CREB5: variants seen among roughly 807,000 people sequenced by gnomAD.
The protein encoded by CREB5 is cyclic AMP-responsive element-binding protein 5.
A neutral mutation model predicts 57.1 loss-of-function variants in CREB5; 19 were observed. That is an observed-to-expected ratio of 0.33 (90% CI 0.23 to 0.49). The LOEUF is 0.49. Ranked by LOEUF, CREB5 falls within the 20% of genes least tolerant of loss-of-function variation. The pLI, the probability that CREB5 is intolerant of heterozygous loss-of-function variation, is 0.99. For missense variants in CREB5, 579 were observed against 671.6 expected (o/e 0.86, Z 1.52); for synonymous variants, 238 against 238.3 (o/e 1.00, Z 0.01).
intron 5 of CREB5, among the ~76,000 whole-genome samples, chr7:28,584,619 C>G (rs1367703381): frequency 6.6e-6 from 1 of 152,148 alleles, no homozygotes; most frequent in Non-Finnish European, 1.5e-5. Flanking sequence ...GCTGCTGACA[C>G]CTTGATTTCA....
intron 1 of CREB5, among the ~76,000 whole-genome samples, chr7:28,354,628 G>T (rs1372431436): frequency 6.6e-6 from 1 of 152,138 alleles, no homozygotes; most frequent in East Asian, 1.9e-4. Context: ...CCTAATTCAA[G>T]CTCCCACGTC....
intron 1 of CREB5, among the ~76,000 whole-genome samples, chr7:28,365,676 A>G (rs1302704544): frequency 6.6e-6 from 1 of 151,244 alleles, no homozygotes; most frequent in Admixed American, 6.6e-5. Context: ...CCCTTCACCC[A>G]CTCTACAGAA....
chr7:28,678,353 A>C (rs996215073), intron 5 of CREB5, among the ~76,000 whole-genome samples: 1 of 152,136 alleles, frequency 6.6e-6, no homozygotes. Flanking sequence ...GCACCACTAC[A>C]CTCCAGCCTG....
At chr7:28,363,891 A>C (rs1356809169) in intron 1 of CREB5, among the ~76,000 whole-genome samples, 1 of 152,218 alleles carries the variant, frequency 6.6e-6, no homozygotes, top group Non-Finnish European at 1.5e-5. Context: ...TTAATGTATC[A>C]TATTCCATTG....
chr7:28,536,390 T>C (rs1457524438), intron 4 of CREB5, among the ~76,000 whole-genome samples: 3 of 152,238 alleles, frequency 2.0e-5, no homozygotes, highest in Non-Finnish European at 4.4e-5. Flanking sequence ...ATGTTGTCCT[T>C]GCTGCCTGCT....
chr7:28,744,338 CTCTTT>C (rs1804570254), intron 7 of CREB5, among the ~76,000 whole-genome samples: 1 of 133,216 alleles, frequency 7.5e-6, no homozygotes, highest in Non-Finnish European at 1.6e-5. Context: ...CCTTTAGTAC[CTCTTT>C]TTTTTTTTTT....
intron 4 of CREB5, among the ~76,000 whole-genome samples, chr7:28,535,561 C>A (rs1793927989): frequency 6.6e-6 from 1 of 151,248 alleles, no homozygotes. Context: ...TTTTCAGACA[C>A]TATATCATCT....
chr7:28,534,678 T>TA (rs144723628), intron 4 of CREB5, among the ~76,000 whole-genome samples: 24,382 of 140,934 alleles, frequency 0.17, 2,656 homozygotes, highest in Non-Finnish European at 0.21. Flanking sequence ...TTCCTTCACT[T>TA]ATGCTTGTTT....
intron 1 of CREB5, among the ~76,000 whole-genome samples, chr7:28,322,063 C>T (rs181249207): frequency 1.3e-5 from 2 of 152,290 alleles, no homozygotes; most frequent in East Asian, 1.9e-4. Context: ...GAAAAATGCA[C>T]ATTTTAACCA....
rs2128746089 is a variant in CREB5, at chr7:28,717,908, C to A, written c.465-845C>A. On this transcript the variant is annotated intron_variant, in intron 5 of 10. Transcript: ENST00000357727. ...TTTATGTGGGGAGGTCTCTTGTTTG[C>A]CATTTTTAATAAACACAAATAATTC... 2.0e-5 allele frequency among the ~76,000 whole-genome samples: 3 copies of A among 152,292 alleles called. 1 individual carries two copies. The Middle Eastern group carries it at 0.01, about 518-fold the overall frequency.
At chr7:28,519,963 A>G (rs1244888887) in intron 4 of CREB5, among the ~76,000 whole-genome samples, 1 of 152,256 alleles carries the variant, frequency 6.6e-6, no homozygotes, top group Non-Finnish European at 1.5e-5. Context: ...CTGAAAATGG[A>G]CAAGAACTCA....
intron 1 of CREB5, among the ~76,000 whole-genome samples, chr7:28,483,340 G>A (rs546003359): frequency 2.0e-5 from 3 of 152,164 alleles, no homozygotes; most frequent in Admixed American, 6.5e-5. Flanking sequence ...TGCTCATTGC[G>A]AGGCCAGAGG....
At chr7:28,435,661 G>A in intron 1 of CREB5, 6 of 985,162 alleles carry the variant, frequency 6.1e-6, no homozygotes, top group Non-Finnish European at 7.2e-6. Flanking sequence ...TCATTTACCT[G>A]AATGAGGAGC....
At chr7:28,616,916 T>C (rs1176018228) in intron 5 of CREB5, among the ~76,000 whole-genome samples, 5 of 152,250 alleles carry the variant, frequency 3.3e-5, no homozygotes, top group African/African-American at 7.2e-5. Context: ...TTTAAACAAG[T>C]GTTTGTACTA....
intron 5 of CREB5, among the ~76,000 whole-genome samples, chr7:28,708,797 G>C (rs367652358): frequency 1.3e-5 from 2 of 152,200 alleles, no homozygotes; most frequent in East Asian, 3.8e-4. Context: ...AGCTCAGAAT[G>C]GGGGTGGGGC....
At chr7:28,581,739 C>G (rs1023472057) in intron 5 of CREB5, among the ~76,000 whole-genome samples, 1 of 152,188 alleles carries the variant, frequency 6.6e-6, no homozygotes, top group African/African-American at 2.4e-5. Flanking sequence ...GGCACCCAAA[C>G]AATCTGTCAA....
At chr7:28,544,829 T>G (rs1794355169) in intron 4 of CREB5, among the ~76,000 whole-genome samples, 1 of 152,088 alleles carries the variant, frequency 6.6e-6, no homozygotes, top group African/African-American at 2.4e-5. Flanking sequence ...AGGGCGGGAA[T>G]GGGAGAGTAT....
intron 5 of CREB5, among the ~76,000 whole-genome samples, chr7:28,717,362 C>T (rs1802752383): frequency 6.6e-6 from 1 of 152,278 alleles, no homozygotes; most frequent in African/African-American, 2.4e-5. Flanking sequence ...ACTAATCCTT[C>T]TATGATGTGT....
At chr7:28,401,657 G>A (rs1436196542) in intron 1 of CREB5, among the ~76,000 whole-genome samples, 9 of 152,146 alleles carry the variant, frequency 5.9e-5, no homozygotes, top group Non-Finnish European at 1.3e-4. Flanking sequence ...GTGAGAACAT[G>A]CGGTGTTTGG....
Sources: allele counts gnomAD v4.1 joint callset (sites outside exome capture counted in the v4.1 genomes callset), GRCh38; gene constraint gnomAD v4.1.1; transcripts MANE v1.5; gene names NCBI Gene and HGNC (gene_info 2026-07-23, HGNC 2026-07-21).